Variants in GYS2 observed in about 807,000 individuals in gnomAD.
GYS2 encodes glycogen [starch] synthase, liver.
GYS2 carries 80 observed loss-of-function variants against 85.6 expected under a neutral mutation model. That is an observed-to-expected ratio of 0.93 (90% CI 0.78 to 1.13). GYS2 has a LOEUF of 1.13. GYS2 is among the 50% of genes most tolerant of loss of function. The pLI is 0.00. For missense variants in GYS2, 881 were observed against 854.9 expected (o/e 1.03, Z -0.38); for synonymous variants, 328 against 300.7 (o/e 1.09, Z -0.94).
At chr12:21,546,197 T>C (rs530796409) in intron 12 of GYS2, 147 bp downstream of exon 12, 3 of 546,814 alleles carry the variant, frequency 5.5e-6, no homozygotes, top group East Asian at 6.3e-5. Flanking sequence ...AATTAATCCC[T>C]GTGATAAATC....
chr12:21,573,548 G>A (rs1271541168), intron 4 of GYS2, among the ~76,000 whole-genome samples: 1 of 152,128 alleles, frequency 6.6e-6, no homozygotes, highest in East Asian at 1.9e-4. Flanking sequence ...AACCTGCTAA[G>A]ATGAGCAAAA....
intron 12 of GYS2, among the ~76,000 whole-genome samples, chr12:21,544,181 A>G (rs1944011432): frequency 6.6e-6 from 1 of 152,234 alleles, no homozygotes; most frequent in Non-Finnish European, 1.5e-5. Flanking sequence ...TGTTAAATGT[A>G]TACCACCAGA....
intron 1 of GYS2, among the ~76,000 whole-genome samples, chr12:21,591,891 AT>A (rs1944643549): frequency 6.6e-6 from 1 of 152,128 alleles, no homozygotes; most frequent in South Asian, 2.1e-4. Flanking sequence ...ACCCAGCAAC[AT>A]TGTTCTTCAA....
At chr12:21,602,896 G>A (rs541519936) in intron 1 of GYS2, among the ~76,000 whole-genome samples, 23 of 152,044 alleles carry the variant, frequency 1.5e-4, no homozygotes, top group Non-Finnish European at 3.2e-4. Flanking sequence ...TCAGGTGCAG[G>A]AACTTGTGCA....
At chr12:21,548,190 T>C (rs1944064458) in intron 11 of GYS2, among the ~76,000 whole-genome samples, 1 of 152,194 alleles carries the variant, frequency 6.6e-6, no homozygotes, top group Non-Finnish European at 1.5e-5. Flanking sequence ...CTGGGTCAGA[T>C]ATTAGTTTTT....
intron 1 of GYS2, among the ~76,000 whole-genome samples, chr12:21,600,619 G>A (rs756763530): frequency 1.3e-5 from 2 of 152,140 alleles, no homozygotes; most frequent in Non-Finnish European, 2.9e-5. Flanking sequence ...CTTTAGAGCA[G>A]TTGTTCTTTA....
At chr12:21,572,527 A>G (rs1448002242) in intron 4 of GYS2, among the ~76,000 whole-genome samples, 2 of 152,178 alleles carry the variant, frequency 1.3e-5, no homozygotes, top group Admixed American at 1.3e-4. Context: ...AATGACTATG[A>G]ATTTAACCCA....
chr12:21,591,630 A>G (rs1366634054), intron 1 of GYS2, among the ~76,000 whole-genome samples: 1 of 152,194 alleles, frequency 6.6e-6, no homozygotes, highest in Non-Finnish European at 1.5e-5. Context: ...CATCCAGACA[A>G]ATGAAAATCA....
At chr12:21,591,858 A>G (rs1944643026) in intron 1 of GYS2, among the ~76,000 whole-genome samples, 1 of 152,150 alleles carries the variant, frequency 6.6e-6, no homozygotes, top group Admixed American at 6.5e-5. Context: ...AGTGAAAGAA[A>G]AAAATGACAC....
chr12:21,579,998 G>A (rs1397745469), intron 2 of GYS2, among the ~76,000 whole-genome samples: 1 of 152,154 alleles, frequency 6.6e-6, no homozygotes, highest in East Asian at 1.9e-4. Context: ...CTAACATGCT[G>A]ACATTCCACA....
chr12:21,583,886 T>C (rs534874727), intron 1 of GYS2, among the ~76,000 whole-genome samples: 1 of 152,196 alleles, frequency 6.6e-6, no homozygotes, highest in African/African-American at 2.4e-5. Context: ...CTGAAGGCAC[T>C]AGTAAGTTAC....
chr12:21,575,865 C>A lies in GYS2; in HGVS notation c.495+1G>T, dbSNP rs372079212. Reference sequence around the variant, plus strand: ...TTGTATCACTATATAATAAACCATACCTCTTTTAAGAACCAGGCAGTTAAA... The same window carrying A: ...TTGTATCACTATATAATAAACCATAACTCTTTTAAGAACCAGGCAGTTAAA... On this transcript the variant is annotated splice_donor_variant, in intron 3 of 15. Coordinates refer to ENST00000261195, the MANE Select transcript of GYS2 (RefSeq NM_021957.4). LOFTEE classifies it high-confidence loss of function. The A allele has an allele frequency of 1.1e-4, 171 of 1,608,172 alleles. No individual in the cohort carries two copies. Among genetic ancestry groups the A allele is most frequent in the Non-Finnish European group, 1.4e-4 (159 of 1,174,840 alleles).
intron 12 of GYS2, among the ~76,000 whole-genome samples, chr12:21,543,795 A>G (rs2136844710): frequency 6.6e-6 from 1 of 152,172 alleles, no homozygotes; most frequent in Middle Eastern, 3.4e-3. Context: ...CCCTGTGTCC[A>G]TGTGTTCTCA....
rs144453565 is a variant in GYS2 at position 21,603,941 on chromosome 12, T to A, written c.121+531A>T. On this transcript the variant is annotated intron_variant, in intron 1 of 15. Transcript: ENST00000261195. ...ATAAGCATAGCATTGAAGAAAAAAA[T>A]TACTTTCATTCTGAAAGGAGCACAG... is the stretch of plus-strand genomic sequence containing the variant. Among the ~76,000 whole-genome samples, 975 of 152,242 alleles carry A rather than the reference T, an allele frequency of 6.4e-3. 10 individuals are homozygous for A. The highest frequency in any genetic ancestry group is 0.022 in the African/African-American group (909 of 41,554).
intron 1 of GYS2, among the ~76,000 whole-genome samples, chr12:21,587,474 A>C (rs1944587236): frequency 6.6e-6 from 1 of 152,128 alleles, no homozygotes; most frequent in Non-Finnish European, 1.5e-5. Flanking sequence ...GAGTTCTTAC[A>C]AGATCTGATG....
intron 12 of GYS2, among the ~76,000 whole-genome samples, chr12:21,543,254 T>C (rs889015940): frequency 2.0e-5 from 3 of 152,116 alleles, no homozygotes; most frequent in East Asian, 1.9e-4. Flanking sequence ...GTGAGTGGAG[T>C]TGGATGAAAA....
In GYS2 at chr12:21,537,035, A is replaced by C; in HGVS notation, c.2031T>G (p.Asp677Glu). ...RYDEEEEAER[D>E]RLNIKSPFSL... is the part of the protein sequence containing the mutation. ...AAAATGGTGACTTGATATTTAACCG[A>C]TCCCTTTCAGCCTCCTCTTCCTCAT... The change falls in exon 16 of 16, where the codon GAT (aspartate) becomes GAG (glutamate). Residue 677 changes from aspartate (D) to glutamate (E), a missense_variant. Transcript: ENST00000261195. The C allele has an allele frequency of 6.2e-7, 1 of 1,613,938 alleles. No homozygotes were observed. Among genetic ancestry groups the C allele is most frequent in the Non-Finnish European group, 8.5e-7 (1 of 1,179,918 alleles).
rs141440486 is a variant in GYS2 at position 21,588,794 on chromosome 12, G to A, written c.122-8271C>T. Among the ~76,000 whole-genome samples, 126 of 152,332 alleles carry A rather than the reference G, an allele frequency of 8.3e-4. 2 individuals are homozygous for A. The highest frequency in any genetic ancestry group is 2.9e-3 in the African/African-American group (120 of 41,588). On this transcript the variant is annotated intron_variant, in intron 1 of 15. Coordinates refer to ENST00000261195, the MANE Select transcript of GYS2 (RefSeq NM_021957.4). ...AATTGATGTCATCTACTACATCTAA[G>A]TATTTCCTCAAATTCTGGACAATTT...
rs770616190 is a variant in GYS2 at position 21,563,278 on chromosome 12, A to G, written c.891T>C (p.His297=). The change falls in exon 6 of 16, where the codon CAT becomes CAC. Residue 297 remains histidine, a synonymous_variant. Transcript: ENST00000261195. Reference sequence around the variant, plus strand: ...CTTGGATTCTGGCCTTGTACATGGCATGTAGATTTTGAAACTCATGCACTG... The same window carrying G: ...CTTGGATTCTGGCCTTGTACATGGCGTGTAGATTTTGAAACTCATGCACTG... The part of the protein sequence containing the change: ...FSAVHEFQNL[H]AMYKARIQDF... 1.2e-6 allele frequency: 2 copies of G among 1,612,656 alleles called. No individual in the cohort carries two copies. The highest frequency in any genetic ancestry group is 1.3e-5 in the African/African-American group (1 of 74,918).
Sources: gnomAD v4.1 joint callset for allele counts (sites outside exome capture counted in the v4.1 genomes callset) on GRCh38, gnomAD v4.1.1 for gene constraint, MANE v1.5 for transcripts, NCBI Gene and HGNC (gene_info 2026-07-23, HGNC 2026-07-21) for gene names.